The following FAM133A variants were observed in gnomAD, a reference collection of about 807,000 sequenced individuals.
FAM133A encodes family with sequence similarity 133 member A.
For synonymous variants in FAM133A, 65 were observed against 58.6 expected, an observed-to-expected ratio of 1.11 and a Z score of -0.50; for missense variants, 159 against 164.4, an observed-to-expected ratio of 0.97 and a Z score of 0.18.
chrX:93,680,687 G>C lies in FAM133A; in HGVS notation c.-193+5935G>C, dbSNP rs1238200686. Among the ~76,000 whole-genome samples, 5 of 111,609 alleles carry C rather than the reference G, an allele frequency of 4.5e-5. No homozygotes were observed. In the East Asian group the frequency reaches 1.4e-3, roughly 31 times the overall value. On this transcript the variant is annotated intron_variant, in intron 2 of 3. Transcript: ENST00000683942. ...TTATGTTTTTAATTTGCATTTACCTGATGATTAGTGATGTCAAGTATTTTT... is the reference window on the plus strand; with the variant it reads ...TTATGTTTTTAATTTGCATTTACCTCATGATTAGTGATGTCAAGTATTTTT...
chrX:93,694,302 C>T (rs2147625536), intron 2 of FAM133A, among the ~76,000 whole-genome samples: 1 of 111,005 alleles, frequency 9.0e-6, no homozygotes, highest in East Asian at 2.8e-4. Flanking sequence ...GGGATTTTTA[C>T]AATTAATAGA....
intron 3 of FAM133A, among the ~76,000 whole-genome samples, chrX:93,709,038 G>A (rs1202629071): frequency 1.8e-5 from 2 of 111,550 alleles, no homozygotes; most frequent in Non-Finnish European, 3.8e-5. Flanking sequence ...AAAAAGTTAA[G>A]TATCATACAA....
chrX:93,674,465 C>G (rs1036215710), intron 1 of FAM133A, among the ~76,000 whole-genome samples, 191 bp downstream of exon 1: 1 of 111,226 alleles, frequency 9.0e-6, no homozygotes, highest in African/African-American at 3.3e-5. Flanking sequence ...TTTTGTGCAG[C>G]AGGTTTCAAT....
chrX:93,694,221 CT>C (rs982645455), intron 2 of FAM133A, among the ~76,000 whole-genome samples: 5 of 109,180 alleles, frequency 4.6e-5, no homozygotes, highest in African/African-American at 1.0e-4. Flanking sequence ...TATGGAATAT[CT>C]TTTTTTTTGC....
At position 93,710,025 on chromosome X, in the gene FAM133A, G is replaced by A; in HGVS notation, c.606G>A (p.Glu202=). The A allele has an allele frequency of 8.3e-7, 1 of 1,205,201 alleles. No individual in the cohort carries two copies. The highest frequency in any genetic ancestry group is 1.7e-5 in the African/African-American group (1 of 57,415). ...CCTCATCTGAATCAGATTATGAAGA[G>A]GATGTGCAAGCAAAAAAGAAGAGAA... ...SESSSESDYE[E]DVQAKKKRRC... Residue 202 remains glutamate, a synonymous_variant, in exon 4 of 4, where the codon GAG becomes GAA. Transcript: ENST00000683942.
intron 2 of FAM133A, among the ~76,000 whole-genome samples, chrX:93,696,272 G>T (rs1465373595): frequency 1.8e-5 from 2 of 111,256 alleles, no homozygotes; most frequent in African/African-American, 6.5e-5. Flanking sequence ...GCTTGGAGGT[G>T]AAGAACAGAA....
intron 3 of FAM133A, among the ~76,000 whole-genome samples, chrX:93,698,779 G>A (rs1926490611): frequency 9.0e-6 from 1 of 111,445 alleles, no homozygotes; most frequent in Admixed American, 9.6e-5. Flanking sequence ...GTTAATACAG[G>A]TGGTTTCTTT....
In FAM133A at chrX:93,709,408, A is replaced by T. The variant is rs768599301; in HGVS notation, c.-12A>T. 4.4e-6 allele frequency: 5 copies of T among 1,125,585 alleles called. No individual in the cohort carries two copies. Among genetic ancestry groups the T allele is most frequent in the Non-Finnish European group, 1.2e-6 (1 of 857,970 alleles). 92.8% of individuals were successfully genotyped at this position (1,125,585 alleles called of 1,213,427 possible). A position where few individuals can be genotyped will look rare whatever the true frequency, so the allele number is the denominator to read the frequency against. On this transcript the variant is annotated 5_prime_UTR_variant, in exon 4 of 4. Coordinates refer to ENST00000683942, the MANE Select transcript of FAM133A (RefSeq NM_001171109.2). The stretch of plus-strand genomic sequence containing the variant: ...GGCAACTGAGAGTCTGCCCTTGGAA[A>T]CATCAGGCACCATGGGGAAGCGGGA...
chrX:93,709,778 C>A lies in FAM133A; in HGVS notation c.359C>A (p.Ser120Tyr). Residue 120 changes from serine (S) to tyrosine (Y), a missense_variant, in exon 4 of 4, where the codon TCT (serine) becomes TAT (tyrosine). By Grantham distance (144) the Ser-to-Tyr change is moderately radical. Coordinates refer to ENST00000683942, the MANE Select transcript of FAM133A (RefSeq NM_001171109.2). Reference sequence around the variant, plus strand: ...GATTCTTCAAGCAGTTCTTCAGATTCTGAGGATGAGGAAAAGAAACAAGGA... The same window carrying A: ...GATTCTTCAAGCAGTTCTTCAGATTATGAGGATGAGGAAAAGAAACAAGGA... ...SSDSSSSSSD[S>Y]EDEEKKQGKR... The A allele has an allele frequency of 8.4e-7, 1 of 1,194,513 alleles. No homozygotes were observed. Among genetic ancestry groups the A allele is most frequent in the Non-Finnish European group, 1.1e-6 (1 of 886,515 alleles).
intron 3 of FAM133A, among the ~76,000 whole-genome samples, chrX:93,702,006 C>G (rs1054986857): frequency 2.7e-5 from 3 of 112,027 alleles, no homozygotes; most frequent in South Asian, 3.7e-4. Flanking sequence ...GTCATATCAC[C>G]TAGATGTCCA....
At chrX:93,689,102 C>A (rs1215753246) in intron 2 of FAM133A, among the ~76,000 whole-genome samples, 1 of 107,167 alleles carries the variant, frequency 9.3e-6, no homozygotes, top group African/African-American at 3.4e-5. Context: ...AGTGCGATGG[C>A]GTGATCTCGG....
At chrX:93,701,139 T>C (rs185064371) in intron 3 of FAM133A, among the ~76,000 whole-genome samples, 1 of 111,810 alleles carries the variant, frequency 8.9e-6, no homozygotes, top group African/African-American at 3.2e-5. Flanking sequence ...TCAAAGTGCA[T>C]ATTATGGTCC....
intron 2 of FAM133A, among the ~76,000 whole-genome samples, chrX:93,688,331 T>A (rs986145820): frequency 8.1e-5 from 9 of 111,054 alleles, no homozygotes; most frequent in Non-Finnish European, 1.7e-4. Flanking sequence ...GTTTTAATAT[T>A]CAACTTATCT....
At chrX:93,685,602 AAG>A (rs1453824897) in intron 2 of FAM133A, among the ~76,000 whole-genome samples, 1 of 111,979 alleles carries the variant, frequency 8.9e-6, no homozygotes, top group Non-Finnish European at 1.9e-5. Context: ...AAATAGTAAA[AAG>A]AAAAATTAAT....
At chrX:93,684,569 A>T (rs1036003626) in intron 2 of FAM133A, among the ~76,000 whole-genome samples, 1 of 111,596 alleles carries the variant, frequency 9.0e-6, no homozygotes, top group Non-Finnish European at 1.9e-5. Flanking sequence ...AATATCTATT[A>T]TTTGCTCCCA....
chrX:93,705,276 G>T (rs768736505), intron 3 of FAM133A, among the ~76,000 whole-genome samples: 2 of 111,184 alleles, frequency 1.8e-5, no homozygotes, highest in African/African-American at 3.3e-5. Context: ...ACCTTTACAG[G>T]ATTTTAGCAT....
chrX:93,694,161 G>C (rs946893070), intron 2 of FAM133A, among the ~76,000 whole-genome samples: 2 of 110,710 alleles, frequency 1.8e-5, no homozygotes, highest in South Asian at 7.7e-4. Flanking sequence ...CAATATTACT[G>C]AGCATCTTTT....
upstream of FAM133A, chrX:93,674,067 T>C (rs1343064592): frequency 9.2e-6 from 1 of 108,212 alleles, no homozygotes; most frequent in Non-Finnish European, 1.9e-5. Context: ...CTATGGACGA[T>C]TTAAAAACAA....
chrX:93,692,025 G>T (rs1925926541), intron 2 of FAM133A, among the ~76,000 whole-genome samples: 1 of 111,093 alleles, frequency 9.0e-6, no homozygotes, highest in African/African-American at 3.3e-5. Context: ...TACCAAAATG[G>T]TTGCTTTTGT....
Sources: gnomAD v4.1 joint callset for allele counts (sites outside exome capture counted in the v4.1 genomes callset) on GRCh38, gnomAD v4.1.1 for gene constraint, MANE v1.5 for transcripts, NCBI Gene and HGNC (gene_info 2026-07-23, HGNC 2026-07-21) for gene names.